SCRIB: variants seen among roughly 807,000 people sequenced by gnomAD.
The protein encoded by SCRIB is protein scribble homolog.
In SCRIB, 72 loss-of-function variants were observed where a neutral mutation model predicts 170.0. That is an observed-to-expected ratio of 0.42 (90% CI 0.35 to 0.52). SCRIB has a LOEUF of 0.52. SCRIB is among the 20% of genes least tolerant of loss of function. The probability of loss-of-function intolerance (pLI) is 0.02; values close to 1 mark genes in which losing one functional copy is unlikely to be tolerated. For missense variants in SCRIB, 2,475 were observed against 2,338.5 expected (o/e 1.06, Z -1.20); for synonymous variants, 1,298 against 1,044.3 (o/e 1.24, Z -4.68).
Position 143,793,895 on chromosome 8 carries a change from C to A in SCRIB, c.3909+5G>T. On this transcript the variant is annotated splice_donor_5th_base_variant and intron_variant, in intron 28 of 36. Transcript: ENST00000356994. ...GGGGCACACCCGTTAACTTGGGACA[C>A]TCACCTGCTGGCCACTAGGGGAGCA... 6.2e-7 allele frequency: 1 copy of A among 1,613,214 alleles called. No homozygotes were observed. Among genetic ancestry groups the A allele is most frequent in the Non-Finnish European group, 8.5e-7 (1 of 1,179,516 alleles).
rs1042916945 is a variant in SCRIB, at chr8:143,815,200, G to C, written c.159+14C>G. The C allele has an allele frequency of 1.9e-6, 3 of 1,556,546 alleles. No individual in the cohort carries two copies. Among genetic ancestry groups the C allele is most frequent in the Middle Eastern group, 1.9e-4 (1 of 5,148 alleles). On this transcript the variant is annotated intron_variant, in intron 1 of 36. Transcript: ENST00000356994. ...GGGCGCGCCTTTGGGCGGCAGGTGC[G>C]GGCGGCCGCTCACCTTGGGCAGCTC...
In SCRIB at chr8:143,793,953, C is replaced by G. The variant is rs147035947; in HGVS notation, c.3856G>C (p.Gly1286Arg). The change falls in exon 28 of 37, where the codon GGA becomes CGA. Residue 1286 changes from glycine to arginine, a missense_variant. Transcript: ENST00000356994. ...SAGSVQRVPSGAAGGKMAESP... is the reference protein window; with the variant it reads ...SAGSVQRVPSRAAGGKMAESP... ...TCAGCCATCTTCCCTCCAGCTGCTC[C>G]AGACGGTACCTGGAGGAGTAGGCAG... 1.9e-4 allele frequency: 310 copies of G among 1,613,364 alleles called. No individual in the cohort carries two copies. In the African/African-American group the frequency reaches 3.6e-3, roughly 19 times the overall value.
chr8:143,806,558 A>G, intron 17 of SCRIB, 74 bp from the exon 18 acceptor site: 2 of 1,272,218 alleles, frequency 1.6e-6, no homozygotes, highest in Non-Finnish European at 2.2e-6. Context: ...CAGAAGACCC[A>G]GGAGGGGAAG....
intron 28 of SCRIB, chr8:143,793,407 G>A (rs1349481283): frequency 2.0e-5 from 6 of 300,590 alleles, no homozygotes; most frequent in African/African-American, 8.6e-5. Context: ...GGCAAGGGAC[G>A]GGGGTAGAGA....
chr8:143,812,182 C>T (rs908724220), intron 9 of SCRIB, 84 bp downstream of exon 9: 16 of 912,920 alleles, frequency 1.8e-5, no homozygotes, highest in Non-Finnish European at 2.8e-5. Flanking sequence ...CAGCACCCCC[C>T]AGCAGCAGAC....
At position 143,814,061 on chromosome 8, in the gene SCRIB, G is replaced by A. The variant is rs776303551; in HGVS notation, c.217C>T (p.Arg73Trp). Residue 73 changes from arginine (R) to tryptophan (W), a missense_variant, in exon 2 of 37, where the codon CGG (arginine) becomes TGG (tryptophan). Physicochemically the swap from Arg to Trp is moderately radical, Grantham distance 101 (BLOSUM62 -3). Transcript: ENST00000356994. ...KLGLSDNEIQ[R>W]LPPEVANFMQ... ...AAGTTGGCCACCTCGGGAGGCAACCGCTGGATCTCGTTGTCGCTCAGGCCC... is the reference window on the plus strand; with the variant it reads ...AAGTTGGCCACCTCGGGAGGCAACCACTGGATCTCGTTGTCGCTCAGGCCC... 2.4e-5 allele frequency: 38 copies of A among 1,557,130 alleles called. No homozygotes were observed. The Admixed American group carries it at 2.5e-4, about 10-fold the overall frequency.
Position 143,791,931 on chromosome 8 carries a change from G to A in SCRIB, c.4658-18C>T, listed in dbSNP as rs11991303. The A allele has an allele frequency of 1.5e-3, 2,264 of 1,514,816 alleles. 20 individuals are homozygous for A. In the African/African-American group the frequency reaches 0.022, roughly 15 times the overall value. 93.8% of individuals were successfully genotyped at this position (1,514,816 alleles called of 1,614,324 possible). On this transcript the variant is annotated intron_variant, in intron 33 of 36. Coordinates refer to ENST00000356994, the MANE Select transcript of SCRIB (RefSeq NM_182706.5). ...GCCGAGGTCTGGGGGGACAAGAAGC[G>A]GGCATTGGAAGCAGCCCATGCGGCA...
chr8:143,803,392 T>C lies in SCRIB; in HGVS notation c.3594A>G (p.Ala1198=). 1 of 1,576,820 alleles carries C rather than the reference T, an allele frequency of 6.3e-7. No homozygotes were observed. The highest frequency in any genetic ancestry group is 8.6e-7 in the Non-Finnish European group (1 of 1,164,174). ...GGGCGGGATCGCTAACCTCCAGGGC[T>C]GCGTCGGTGCTGGCCTCAAAGCCGT... ...VCDGFEASTD[A]ALEVSPGVIA... Residue 1198 remains alanine, a synonymous_variant, in exon 24 of 37, where the codon GCA becomes GCG. Transcript: ENST00000356994.
At position 143,811,017 on chromosome 8, in the gene SCRIB, C is replaced by T. The variant is rs1264939039; in HGVS notation, c.1162G>A (p.Ala388Thr). Residue 388 changes from alanine to threonine, a missense_variant, in exon 11 of 37, where the codon GCA becomes ACA. By Grantham distance (58) the Ala-to-Thr change is moderately conservative. Around this residue, in one of 3 missense-constraint regions of SCRIB, gnomAD observed 487 missense variants for 558.1 expected, o/e 0.87. Transcript: ENST00000356994. ...THLNLKALWL[A>T]ENQAQPMLRF... Reference sequence around the variant, plus strand: ...AGCATGGGCTGCGCCTGGTTCTCTGCCAGCCACAGGGCCTTGAGATTGAGG... The same window carrying T: ...AGCATGGGCTGCGCCTGGTTCTCTGTCAGCCACAGGGCCTTGAGATTGAGG... 6.2e-7 allele frequency: 1 copy of T among 1,611,944 alleles called. No individual in the cohort carries two copies. The highest frequency in any genetic ancestry group is 2.2e-5 in the East Asian group (1 of 44,828).
chr8:143,798,014 T>C (rs912342740), intron 24 of SCRIB, among the ~76,000 whole-genome samples: 5 of 152,302 alleles, frequency 3.3e-5, no homozygotes, highest in African/African-American at 1.2e-4. Context: ...ATAAAGATGG[T>C]AGTCTGGGAG....
At chr8:143,812,471 C>T (rs4875061) in intron 8 of SCRIB, 87 bp from the exon 9 acceptor site, 1,024,718 of 1,029,888 alleles carry the variant, frequency 0.99, 509,930 homozygotes, top group East Asian at 1. Flanking sequence ...TCAAGGCAGA[C>T]AGCAAGGCCC....
chr8:143,801,295 G>A (rs1432661443), intron 24 of SCRIB, among the ~76,000 whole-genome samples: 1 of 152,222 alleles, frequency 6.6e-6, no homozygotes, highest in Non-Finnish European at 1.5e-5. Flanking sequence ...AGGCTGCAGT[G>A]AGCTGTGATT....
intron 24 of SCRIB, among the ~76,000 whole-genome samples, chr8:143,799,242 G>A (rs183175076): frequency 1.3e-3 from 195 of 152,362 alleles, no homozygotes; most frequent in Admixed American, 2.0e-3. Context: ...TTAACAGCCA[G>A]AGATGCAGAG....
chr8:143,799,538 C>T (rs1399416029), intron 24 of SCRIB, among the ~76,000 whole-genome samples: 3 of 152,142 alleles, frequency 2.0e-5, no homozygotes, highest in Non-Finnish European at 2.9e-5. Flanking sequence ...GGGTAGCGGG[C>T]GAGTCTCTCA....
rs781881124 is a variant in SCRIB, at chr8:143,792,125, G to A, written c.4523C>T (p.Ser1508Leu). The change falls in exon 33 of 37, where the codon TCA becomes TTA. Residue 1508 changes from serine to leucine, a missense_variant. Coordinates refer to ENST00000356994, the MANE Select transcript of SCRIB (RefSeq NM_182706.5). ...TGCTCGGAGAGCGTCCTGTTCCAAT[G>A]ACTTCATCCTGCAGAGAACAGCGGG... is the stretch of plus-strand genomic sequence containing the variant. ...RALWRAARMK[S>L]LEQDALRAQM... 1.3e-6 allele frequency: 2 copies of A among 1,575,616 alleles called. No homozygotes were observed. The highest frequency in any genetic ancestry group is 2.2e-5 in the East Asian group (1 of 44,532).
At chr8:143,814,769 A>C (rs1815975796) in intron 1 of SCRIB, 1 of 174,490 alleles carries the variant, frequency 5.7e-6, no homozygotes, top group African/African-American at 2.4e-5. Context: ...GCAAGGGTAA[A>C]GAAAGGGGGA....
At chr8:143,811,737 T>C (rs1438112552) in intron 9 of SCRIB, among the ~76,000 whole-genome samples, 2 of 152,128 alleles carry the variant, frequency 1.3e-5, no homozygotes, top group South Asian at 4.1e-4. Context: ...GGCCAGCCCC[T>C]TCCCAGGGCC....
Position 143,810,652 on chromosome 8 carries a change from C to A in SCRIB, c.1404+34G>T, listed in dbSNP as rs201775598. Reference sequence around the variant, plus strand: ...CAGCAGCCACAGGGCAGGGGTCAGGCAGAGGTTCGCCCCCCAGATCCTCAC... The same window carrying A: ...CAGCAGCCACAGGGCAGGGGTCAGGAAGAGGTTCGCCCCCCAGATCCTCAC... On this transcript the variant is annotated intron_variant, in intron 12 of 36. Transcript: ENST00000356994. 5 of 1,603,180 alleles carry A rather than the reference C, an allele frequency of 3.1e-6. No homozygotes were observed. In the Admixed American group the frequency reaches 6.7e-5, roughly 21 times the overall value.
chr8:143,795,662 C>T (rs781808159), intron 24 of SCRIB, 132 bp from the exon 25 acceptor site: 31 of 785,286 alleles, frequency 3.9e-5, no homozygotes, highest in East Asian at 2.4e-4. Flanking sequence ...CAGGGCTGAC[C>T]GCGTGGCTGG....
Sources: allele counts gnomAD v4.1 joint callset (sites outside exome capture counted in the v4.1 genomes callset), GRCh38; gene constraint gnomAD v4.1.1; regional missense constraint gnomAD v4.1.1; transcripts MANE v1.5; gene names NCBI Gene and HGNC (gene_info 2026-07-23, HGNC 2026-07-21).